The following MROH7 variants were observed in gnomAD, a reference collection of about 807,000 sequenced individuals.
MROH7 encodes maestro heat-like repeat-containing protein family member 7.
A neutral mutation model predicts 129.2 loss-of-function variants in MROH7; 113 were observed. The observed-to-expected ratio is 0.87, with a 90% CI of 0.75 to 1.02. MROH7 has a LOEUF of 1.02. Among genes scored for constraint, MROH7 ranks in the 50% least tolerant of loss-of-function variants. The pLI is 0.00. For missense variants in MROH7, 1,601 were observed against 1,671.3 expected, an observed-to-expected ratio of 0.96 and a Z score of 0.73; for synonymous variants, 655 against 667.9, an observed-to-expected ratio of 0.98 and a Z score of 0.30.
At chr1:54,676,818 C>A (rs1569924154) in intron 10 of MROH7, among the ~76,000 whole-genome samples, 1 of 151,960 alleles carries the variant, frequency 6.6e-6, no homozygotes, top group East Asian at 1.9e-4. Context: ...AAGAGATTCT[C>A]CTGCCTTAGC....
chr1:54,668,577 C>T (rs1557702154), intron 4 of MROH7, among the ~76,000 whole-genome samples: 2 of 152,116 alleles, frequency 1.3e-5, no homozygotes, highest in South Asian at 2.1e-4. Flanking sequence ...CTTTCTGTCC[C>T]CTCCTTAGCT....
At chr1:54,676,937 G>A (rs980853918) in intron 10 of MROH7, among the ~76,000 whole-genome samples, 3 of 151,492 alleles carry the variant, frequency 2.0e-5, no homozygotes, top group African/African-American at 7.3e-5. Flanking sequence ...TCGAACTCCT[G>A]ACTTCATGAT....
At chr1:54,649,822 C>T (rs1557688436) in intron 1 of MROH7, among the ~76,000 whole-genome samples, 1 of 152,294 alleles carries the variant, frequency 6.6e-6, no homozygotes, top group East Asian at 1.9e-4. Context: ...TAAGAAGAGA[C>T]AAAATTATGG....
chr1:54,708,972 C>T (rs984236531), intron 22 of MROH7, 42 bp from the exon 23 acceptor site: 12 of 1,599,416 alleles, frequency 7.5e-6, no homozygotes, highest in South Asian at 4.4e-5. Context: ...GTGGGGTCGA[C>T]GTCGGAAGAC....
At position 54,680,010 on chromosome 1, in the gene MROH7, G is replaced by T. The variant is rs1295960043; in HGVS notation, c.2346G>T (p.Val782=). 1 of 1,614,020 alleles carries T rather than the reference G, an allele frequency of 6.2e-7. No individual in the cohort carries two copies. The highest frequency in any genetic ancestry group is 2.2e-5 in the East Asian group (1 of 44,868). The change falls in exon 13 of 24, where the codon GTG becomes GTT. Residue 782 remains valine (V), a synonymous_variant. Coordinates refer to ENST00000421030, the MANE Select transcript of MROH7 (RefSeq NM_001039464.4). ...CTAGCTCCTTCATGACCGAGGTTGTGGTGGCCCTGCTCATGTGCCCCCTCC... is the reference window on the plus strand; with the variant it reads ...CTAGCTCCTTCATGACCGAGGTTGTTGTGGCCCTGCTCATGTGCCCCCTCC... ...LLASSFMTEV[V]VALLMCPLPL... is the part of the protein sequence containing the mutation.
At chr1:54,670,997 A>G (rs1451181475) in intron 7 of MROH7, 68 bp downstream of exon 7, 25 of 1,492,918 alleles carry the variant, frequency 1.7e-5, no homozygotes, top group Non-Finnish European at 1.9e-5. Flanking sequence ...ATGGAGCTGC[A>G]TCCTCCGGCT....
chr1:54,644,114 G>A (rs556067649), intron 1 of MROH7, among the ~76,000 whole-genome samples: 1 of 151,578 alleles, frequency 6.6e-6, no homozygotes, highest in African/African-American at 2.4e-5. Flanking sequence ...AATTTGGGGA[G>A]TTTTCAGTCA....
At chr1:54,647,896 C>T (rs1441953666) in intron 1 of MROH7, among the ~76,000 whole-genome samples, 4 of 110,974 alleles carry the variant, frequency 3.6e-5, no homozygotes, top group Admixed American at 1.1e-4. Flanking sequence ...CAGAGTGAGA[C>T]TCCATCTCAA....
chr1:54,668,310 A>T (rs187510554), intron 4 of MROH7, among the ~76,000 whole-genome samples: 1 of 152,340 alleles, frequency 6.6e-6, no homozygotes, highest in East Asian at 1.9e-4. Context: ...ACTTGCAGCC[A>T]TTTTCAATAT....
intron 13 of MROH7, among the ~76,000 whole-genome samples, chr1:54,682,008 T>C (rs1281466478): frequency 6.6e-6 from 1 of 152,212 alleles, no homozygotes; most frequent in East Asian, 1.9e-4. Flanking sequence ...CTTGAGTGTC[T>C]TGAATCCTTG....
rs1368324406 is a variant in MROH7 at position 54,695,451 on chromosome 1, C to T, written c.2925C>T (p.Asp975=). Residue 975 remains aspartate, a synonymous_variant, in exon 17 of 24, where the codon GAC becomes GAT. Transcript: ENST00000421030. The part of the protein sequence containing the change: ...YLLIPLLERG[D]EKHRITATAF... ...TCATCCCGCTCCTGGAGCGAGGCGA[C>T]GAGAAGCACAGGATCACGGCCACCG... The T allele has an allele frequency of 8.7e-6, 14 of 1,613,790 alleles. No individual in the cohort carries two copies. The highest frequency in any genetic ancestry group is 1.3e-5 in the African/African-American group (1 of 74,918).
chr1:54,671,113 C>T (rs1214976978), intron 7 of MROH7, among the ~76,000 whole-genome samples, 184 bp downstream of exon 7: 2 of 152,124 alleles, frequency 1.3e-5, no homozygotes, highest in Non-Finnish European at 2.9e-5. Context: ...CCCAGCTGGG[C>T]GCGGTGGCTC....
At chr1:54,706,891 G>A (rs1645543492) in intron 22 of MROH7, among the ~76,000 whole-genome samples, 1 of 152,146 alleles carries the variant, frequency 6.6e-6, no homozygotes, top group South Asian at 2.1e-4. Flanking sequence ...AAGCAGCATG[G>A]TGAAAAGAGT....
intron 17 of MROH7, chr1:54,699,500 T>G (rs1472181593): frequency 6.6e-6 from 1 of 152,076 alleles, no homozygotes; most frequent in Non-Finnish European, 1.5e-5. Context: ...GGTTTCACCA[T>G]GTTGCCCAGG....
chr1:54,678,962 G>A (rs554962600), intron 11 of MROH7, 108 bp downstream of exon 11: 12 of 883,310 alleles, frequency 1.4e-5, no homozygotes, highest in African/African-American at 1.3e-4. Flanking sequence ...TTTGCAGGAC[G>A]CCTTCCCAGC....
At chr1:54,677,257 C>T (rs1382249919) in intron 10 of MROH7, among the ~76,000 whole-genome samples, 17 of 152,102 alleles carry the variant, frequency 1.1e-4, no homozygotes, top group Admixed American at 1.0e-3. Context: ...AAATAAGCCA[C>T]GTGTGGTGGC....
intron 4 of MROH7, among the ~76,000 whole-genome samples, chr1:54,667,033 A>G (rs1295517889): frequency 6.6e-6 from 1 of 152,192 alleles, no homozygotes; most frequent in African/African-American, 2.4e-5. Context: ...CTGAGCCCTA[A>G]CACTGTCATT....
chr1:54,708,743 G>A (rs1372163978), intron 22 of MROH7, among the ~76,000 whole-genome samples: 1 of 152,182 alleles, frequency 6.6e-6, no homozygotes, highest in Non-Finnish European at 1.5e-5. Flanking sequence ...CCCAGCCTGG[G>A]TACTGGGCTA....
At chr1:54,667,979 T>C (rs972060463) in intron 4 of MROH7, among the ~76,000 whole-genome samples, 1 of 152,230 alleles carries the variant, frequency 6.6e-6, no homozygotes, top group African/African-American at 2.4e-5. Flanking sequence ...TTCTGAAGTT[T>C]GACTGGGCTT....
Sources: gnomAD v4.1 joint callset for allele counts (sites outside exome capture counted in the v4.1 genomes callset) on GRCh38, gnomAD v4.1.1 for gene constraint, MANE v1.5 for transcripts, NCBI Gene and HGNC (gene_info 2026-07-23, HGNC 2026-07-21) for gene names.